Variants in MYO6 observed in about 807,000 individuals in gnomAD.
MYO6 encodes unconventional myosin-VI.
MYO6 carries 74 observed loss-of-function variants against 178.7 expected under a neutral mutation model. The ratio of observed to expected loss-of-function variants is 0.41; its 90% CI spans 0.34 to 0.50. MYO6 has a LOEUF of 0.50. MYO6 is among the 20% of genes least tolerant of loss of function. The probability of loss-of-function intolerance (pLI) is 0.09; values close to 1 mark genes in which losing one functional copy is unlikely to be tolerated. For missense variants in MYO6, 1,330 were observed against 1,547.4 expected, an observed-to-expected ratio of 0.86 and a Z score of 2.36; for synonymous variants, 477 against 504.6, an observed-to-expected ratio of 0.95 and a Z score of 0.73.
At chr6:75,837,168 G>T (rs1773724511) in intron 7 of MYO6, among the ~76,000 whole-genome samples, 1 of 152,054 alleles carries the variant, frequency 6.6e-6, no homozygotes, top group South Asian at 2.1e-4. Flanking sequence ...AATAATGGTG[G>T]TAATAACATA....
intron 11 of MYO6, among the ~76,000 whole-genome samples, chr6:75,852,369 T>C (rs1369404383): frequency 6.6e-6 from 1 of 152,182 alleles, no homozygotes; most frequent in Non-Finnish European, 1.5e-5. Flanking sequence ...ATCTAGTTAA[T>C]ATACCATACA....
chr6:75,791,089 C>T (rs972357657), intron 1 of MYO6, among the ~76,000 whole-genome samples: 21 of 152,038 alleles, frequency 1.4e-4, no homozygotes, highest in African/African-American at 4.8e-4. Flanking sequence ...CCTGCCACCA[C>T]GCCTGGCTAG....
intron 1 of MYO6, among the ~76,000 whole-genome samples, chr6:75,796,588 C>G (rs952120804): frequency 3.3e-5 from 5 of 150,174 alleles, no homozygotes; most frequent in African/African-American, 1.2e-4. Context: ...CCCCCTCCTT[C>G]TCTGCCCCCT....
intron 1 of MYO6, among the ~76,000 whole-genome samples, chr6:75,790,124 C>T (rs1768076683): frequency 6.6e-6 from 1 of 152,080 alleles, no homozygotes; most frequent in African/African-American, 2.4e-5. Flanking sequence ...TAGGTTGATT[C>T]TGAGTCTTGT....
At chr6:75,782,215 A>G (rs941893664) in intron 1 of MYO6, among the ~76,000 whole-genome samples, 1 of 152,118 alleles carries the variant, frequency 6.6e-6, no homozygotes, top group Non-Finnish European at 1.5e-5. Flanking sequence ...TTAATGATAG[A>G]CCAAAATGCA....
chr6:75,855,169 A>AGTCTTT lies in MYO6; in HGVS notation c.1111_1116dup (p.Ser371_Leu372dup). On this transcript the variant is annotated inframe_insertion, in exon 12 of 35. Transcript: ENST00000369977. ...TGTAATCTGAAGAATAAATCTGCTC[A>AGTCTTT]GTCTTTGGAATATTGTGCTGAATTA... The AGTCTTT allele has an allele frequency of 6.2e-7, 1 of 1,612,074 alleles. No individual in the cohort carries two copies. The highest frequency in any genetic ancestry group is 2.2e-5 in the East Asian group (1 of 44,826).
In MYO6 at chr6:75,866,607, G is replaced by T; in HGVS notation, c.1756G>T (p.Val586Leu). 1 of 1,613,592 alleles carries T rather than the reference G, an allele frequency of 6.2e-7. No individual in the cohort carries two copies. The highest frequency in any genetic ancestry group is 8.5e-7 in the Non-Finnish European group (1 of 1,179,488). ...GFIIRHFAGA[V>L]CYETTQFVEK... ...CATTATCAGGCATTTTGCGGGGGCAGTGTGCTATGAAACAGTGAGTATAAC... is the reference window on the plus strand; with the variant it reads ...CATTATCAGGCATTTTGCGGGGGCATTGTGCTATGAAACAGTGAGTATAAC... The change falls in exon 17 of 35, where the codon GTG becomes TTG. Residue 586 changes from valine (V) to leucine (L), a missense_variant. Val to Leu is a conservative substitution (Grantham distance 32). Transcript: ENST00000369977.
intron 1 of MYO6, among the ~76,000 whole-genome samples, chr6:75,765,196 A>C (rs1343268289): frequency 2.5e-5 from 1 of 40,078 alleles, no homozygotes; most frequent in African/African-American, 9.7e-5. Context: ...TTTTTTTTTG[A>C]GACAGAGTCT....
At chr6:75,901,295 A>G (rs1257481659) in intron 30 of MYO6, among the ~76,000 whole-genome samples, 2 of 152,102 alleles carry the variant, frequency 1.3e-5, no homozygotes, top group African/African-American at 2.4e-5. Context: ...CTTGATGGGG[A>G]TGGCATTGAA....
chr6:75,849,389 A>C (rs907005176), intron 11 of MYO6, among the ~76,000 whole-genome samples: 1 of 152,308 alleles, frequency 6.6e-6, no homozygotes, highest in East Asian at 1.9e-4. Flanking sequence ...AACCTACAGC[A>C]CCATTTAATG....
chr6:75,761,175 A>G, intron 1 of MYO6, among the ~76,000 whole-genome samples: 1 of 152,204 alleles, frequency 6.6e-6, no homozygotes, highest in Non-Finnish European at 1.5e-5. Flanking sequence ...TGTGTTTGAT[A>G]TTTCAAACAA....
intron 1 of MYO6, among the ~76,000 whole-genome samples, chr6:75,806,061 A>C (rs1770047225): frequency 6.6e-6 from 1 of 152,208 alleles, no homozygotes; most frequent in Admixed American, 6.5e-5. Context: ...AATAAATCAG[A>C]CTTCATTAAT....
intron 1 of MYO6, among the ~76,000 whole-genome samples, chr6:75,761,319 G>A (rs1777924350): frequency 6.6e-6 from 1 of 151,976 alleles, no homozygotes; most frequent in Admixed American, 6.6e-5. Context: ...ATGGGAGGAG[G>A]GAAAAGAAGG....
intron 1 of MYO6, among the ~76,000 whole-genome samples, chr6:75,766,319 T>C (rs1469035503): frequency 6.6e-6 from 1 of 151,390 alleles, no homozygotes; most frequent in African/African-American, 2.4e-5. Flanking sequence ...CTAGACTCTG[T>C]CTCAAAAAAA....
intron 11 of MYO6, among the ~76,000 whole-genome samples, chr6:75,854,106 G>A (rs527542793): frequency 6.6e-6 from 1 of 152,150 alleles, no homozygotes; most frequent in African/African-American, 2.4e-5. Flanking sequence ...CTGTAGATAT[G>A]ATGTACTAAG....
chr6:75,862,814 AAT>A, intron 16 of MYO6, 91 bp downstream of exon 16: 1 of 1,456,898 alleles, frequency 6.9e-7, no homozygotes, highest in Non-Finnish European at 9.6e-7. Flanking sequence ...AGATAATTAG[AAT>A]AAAAATTATG....
chr6:75,816,343 A>G (rs902450787), intron 1 of MYO6, among the ~76,000 whole-genome samples: 1 of 152,230 alleles, frequency 6.6e-6, no homozygotes, highest in Non-Finnish European at 1.5e-5. Flanking sequence ...TTATTGACCA[A>G]AAGGAGTCAT....
At chr6:75,894,791 G>A (rs1779166186) in intron 28 of MYO6, 3 of 1,504,858 alleles carry the variant, frequency 2.0e-6, no homozygotes, top group African/African-American at 1.4e-5. Flanking sequence ...GCTTCAATAA[G>A]CAATTTTAAG....
At chr6:75,817,790 C>T (rs1197699812) in intron 2 of MYO6, 126 bp downstream of exon 2, 2 of 824,270 alleles carry the variant, frequency 2.4e-6, no homozygotes, top group African/African-American at 1.7e-5. Context: ...GTAAGTGAGT[C>T]TGTTTTCTCC....
Sources: allele counts gnomAD v4.1 joint callset (sites outside exome capture counted in the v4.1 genomes callset), GRCh38; gene constraint gnomAD v4.1.1; transcripts MANE v1.5; gene names NCBI Gene and HGNC (gene_info 2026-07-23, HGNC 2026-07-21).